MYT1L: variants seen among roughly 807,000 people sequenced by gnomAD.
The protein encoded by MYT1L is myelin transcription factor 1-like protein.
Under a neutral mutation model 126.7 loss-of-function variants are expected in MYT1L, and 12 were observed. The ratio of observed to expected loss-of-function variants is 0.09; its 90% CI spans 0.06 to 0.15. The LOEUF (loss-of-function observed/expected upper bound fraction) is 0.15. Ranked by LOEUF, MYT1L falls within the 10% of genes least tolerant of loss-of-function variation. The pLI, the probability that MYT1L is intolerant of heterozygous loss-of-function variation, is 1.00. For missense variants in MYT1L, 979 were observed against 1,585.2 expected (o/e 0.62, Z 6.49); for synonymous variants, 541 against 604.2 (o/e 0.90, Z 1.53).
In MYT1L at chr2:1,889,343, G is replaced by C. The variant is rs1437039861; in HGVS notation, c.2418C>G (p.Asn806Lys). 1 of 1,613,858 alleles carries C rather than the reference G, an allele frequency of 6.2e-7. No homozygotes were observed. The highest frequency in any genetic ancestry group is 1.3e-5 in the African/African-American group (1 of 74,928). ...CGCCCTCGCCCAGCTGGAAACACCG[G>C]TTGTTCATCACTGCCTGCTGCTGGG... ...MSPQQQAVMN[N>K]RCFQLGEGDC... The change falls in exon 16 of 25, where the codon AAC becomes AAG. Residue 806 changes from asparagine to lysine, a missense_variant. Asn to Lys is a moderately conservative substitution (Grantham distance 94). Coordinates refer to ENST00000647738, the MANE Select transcript of MYT1L (RefSeq NM_001303052.2). The surrounding 1 kb of genome is among the most constrained non-coding windows in gnomAD (Gnocchi z 4.1).
At chr2:1,886,430 G>T in intron 18 of MYT1L, 109 bp downstream of exon 18, 1 of 762,928 alleles carries the variant, frequency 1.3e-6, no homozygotes, top group Non-Finnish European at 2.0e-6. Context: ...GGGGTGCACA[G>T]GCCATGTTTT....
chr2:2,317,774 G>A (rs1047822014), intron 1 of MYT1L, among the ~76,000 whole-genome samples: 1 of 152,082 alleles, frequency 6.6e-6, no homozygotes, highest in Non-Finnish European at 1.5e-5. Context: ...ACCAAACCAG[G>A]CAGAGTAAAG....
At chr2:2,093,781 A>G (rs1210353457) in intron 3 of MYT1L, among the ~76,000 whole-genome samples, 1 of 152,142 alleles carries the variant, frequency 6.6e-6, no homozygotes, top group African/African-American at 2.4e-5. Flanking sequence ...TATGTCCTGA[A>G]TGGTATTGCC....
At chr2:2,060,049 A>G (rs894882577) in intron 3 of MYT1L, among the ~76,000 whole-genome samples, 1 of 152,204 alleles carries the variant, frequency 6.6e-6, no homozygotes, top group Non-Finnish European at 1.5e-5. Flanking sequence ...AGTTTGCTCA[A>G]TTTCATGAGT....
chr2:2,238,018 G>A (rs757934141), intron 2 of MYT1L, among the ~76,000 whole-genome samples: 9 of 152,210 alleles, frequency 5.9e-5, no homozygotes, highest in Admixed American at 2.0e-4. Flanking sequence ...AGAAAGGCGC[G>A]TTATGATTCC....
At chr2:2,184,677 C>G (rs1572240596) in intron 2 of MYT1L, among the ~76,000 whole-genome samples, 1 of 152,158 alleles carries the variant, frequency 6.6e-6, no homozygotes, top group Non-Finnish European at 1.5e-5. Flanking sequence ...CCGCACCGCA[C>G]GCCCACCAAT....
rs2054593956 is a variant in MYT1L, at chr2:1,929,005, A to G, written c.506-5742T>C. On this transcript the variant is annotated intron_variant, in intron 9 of 24. Transcript: ENST00000647738. The surrounding 1 kb of genome is among the most constrained non-coding windows in gnomAD (Gnocchi z 4.7). ...AACTGGGGGTACAGGACAGGCCTGG[A>G]CCCCCTGACTCTTATGCAGGCAGTG... Among the ~76,000 whole-genome samples the G allele has an allele frequency of 6.6e-6, 1 of 151,526 alleles. No homozygotes were observed. The highest frequency in any genetic ancestry group is 2.1e-4 in the South Asian group (1 of 4,790).
chr2:1,830,240 T>C (rs2039953363), intron 21 of MYT1L, among the ~76,000 whole-genome samples: 1 of 152,194 alleles, frequency 6.6e-6, no homozygotes, highest in African/African-American at 2.4e-5. Flanking sequence ...ACCTGAGCCC[T>C]GGCTCCGTCA....
chr2:1,980,678 C>G (rs1325196550), intron 5 of MYT1L, among the ~76,000 whole-genome samples: 1 of 152,104 alleles, frequency 6.6e-6, no homozygotes, highest in Non-Finnish European at 1.5e-5. Context: ...TTCAGACCAC[C>G]TGAGTTACCC....
chr2:1,890,414 G>A (rs1190423014), intron 15 of MYT1L, among the ~76,000 whole-genome samples: 4 of 151,932 alleles, frequency 2.6e-5, no homozygotes, highest in Non-Finnish European at 5.9e-5. Flanking sequence ...TCCACTTTAC[G>A]AAAGAAGATC....
intron 3 of MYT1L, among the ~76,000 whole-genome samples, chr2:2,080,306 A>G (rs548555205): frequency 6.6e-6 from 1 of 152,254 alleles, no homozygotes; most frequent in Non-Finnish European, 1.5e-5. Context: ...GGATAAGAGA[A>G]AAAAAAAGCA....
At position 1,903,225 on chromosome 2, in the gene MYT1L, C is replaced by T. The variant is rs368969418; in HGVS notation, c.1887G>A (p.Thr629=). The change falls in exon 14 of 25, where the codon ACG becomes ACA. Residue 629 remains threonine, a synonymous_variant. Coordinates refer to ENST00000647738, the MANE Select transcript of MYT1L (RefSeq NM_001303052.2). The stretch of plus-strand genomic sequence containing the variant: ...GCTCCTTGGCCAGGTTGGAACGCGG[C>T]GTAGTTGTGGGGACATTGTTTCTGT... ...YGYRNNVPTT[T]PRSNLAKELE... 1.2e-5 allele frequency: 20 copies of T among 1,613,912 alleles called. No individual in the cohort carries two copies. The highest frequency in any genetic ancestry group is 1.3e-5 in the African/African-American group (1 of 75,020).
At chr2:1,923,658 T>G (rs1017251279) in intron 9 of MYT1L, among the ~76,000 whole-genome samples, 2 of 152,218 alleles carry the variant, frequency 1.3e-5, no homozygotes, top group South Asian at 2.1e-4. Flanking sequence ...TTACTAGGCT[T>G]TCTAAGAGTT....
chr2:2,134,532 G>C (rs2148063029), intron 3 of MYT1L, among the ~76,000 whole-genome samples: 1 of 152,250 alleles, frequency 6.6e-6, no homozygotes, highest in African/African-American at 2.4e-5. Context: ...TTGGAGGAGA[G>C]GCATTGGATG....
At chr2:2,262,162 T>A (rs2094984824) in intron 2 of MYT1L, among the ~76,000 whole-genome samples, 1 of 152,208 alleles carries the variant, frequency 6.6e-6, no homozygotes, top group South Asian at 2.1e-4. Flanking sequence ...AGGCACTAAA[T>A]AAATATTTGT....
chr2:2,108,680 A>G (rs992333036), intron 3 of MYT1L, among the ~76,000 whole-genome samples: 2 of 152,250 alleles, frequency 1.3e-5, no homozygotes, highest in African/African-American at 4.8e-5. Flanking sequence ...TACTGCGAAG[A>G]TCACAGTATA....
At chr2:2,240,883 T>C (rs1389220300) in intron 2 of MYT1L, among the ~76,000 whole-genome samples, 1 of 152,190 alleles carries the variant, frequency 6.6e-6, no homozygotes, top group Non-Finnish European at 1.5e-5. Context: ...TAGATATATG[T>C]AGGTCAAAAG....
intron 8 of MYT1L, among the ~76,000 whole-genome samples, chr2:1,956,879 G>T (rs950926235): frequency 4.6e-5 from 7 of 152,164 alleles, no homozygotes; most frequent in African/African-American, 1.7e-4. Flanking sequence ...AATCTTACAG[G>T]AAAGGTGTCT....
At chr2:2,157,269 A>G (rs779488364) in intron 3 of MYT1L, among the ~76,000 whole-genome samples, 3 of 152,244 alleles carry the variant, frequency 2.0e-5, no homozygotes, top group African/African-American at 4.8e-5. Context: ...TGGTATATAT[A>G]GATATAAGGC....
Sources: gnomAD v4.1 joint callset for allele counts (sites outside exome capture counted in the v4.1 genomes callset) on GRCh38, gnomAD v4.1.1 for gene constraint, Gnocchi (gnomAD v3.1) non-coding constraint, MANE v1.5 for transcripts, NCBI Gene and HGNC (gene_info 2026-07-23, HGNC 2026-07-21) for gene names.